QTMAN: variants seen among roughly 807,000 people sequenced by gnomAD.
QTMAN encodes the protein queuosine-tRNA mannosyltransferase.
At chr2:144,168,470 T>C in the QTMAN span, among the ~76,000 whole-genome samples, 1 of 152,166 alleles carries the variant, frequency 6.6e-6, no homozygotes, top group African/African-American at 2.4e-5. Flanking sequence ...GATGAAATGA[T>C]AGAAGATTTG....
chr2:144,172,509 A>T, the QTMAN span, among the ~76,000 whole-genome samples: 2 of 151,708 alleles, frequency 1.3e-5, no homozygotes, highest in East Asian at 1.9e-4. Flanking sequence ...CTATTATCCC[A>T]GCTACTCAGA....
the QTMAN span, among the ~76,000 whole-genome samples, chr2:144,129,430 T>C: frequency 1.3e-5 from 2 of 151,964 alleles, no homozygotes; most frequent in African/African-American, 4.8e-5. Flanking sequence ...AAAATGTTAT[T>C]TCTTCTCTTG....
chr2:144,136,363 A>AGAAAAG, the QTMAN span, among the ~76,000 whole-genome samples: 68 of 113,608 alleles, frequency 6.0e-4, 1 homozygote, highest in Non-Finnish European at 9.1e-4. Context: ...GAGGGAACAG[A>AGAAAAG]GAAAAGGAAA....
chr2:144,039,027 T>C, the QTMAN span, among the ~76,000 whole-genome samples: 1 of 152,140 alleles, frequency 6.6e-6, no homozygotes, highest in Non-Finnish European at 1.5e-5. Flanking sequence ...GGAAATTACT[T>C]AGTTTTAGCC....
the QTMAN span, among the ~76,000 whole-genome samples, chr2:144,002,298 G>C: frequency 2.0e-5 from 3 of 152,024 alleles, no homozygotes; most frequent in East Asian, 5.8e-4. Context: ...AAAAGTATTT[G>C]TATGCTTGTT....
At chr2:144,259,683 T>C in the QTMAN span, among the ~76,000 whole-genome samples, 2 of 152,240 alleles carry the variant, frequency 1.3e-5, no homozygotes, top group African/African-American at 2.4e-5. Flanking sequence ...AAACACAAAA[T>C]TGTTATTTTA....
chr2:144,076,030 C>T, the QTMAN span, among the ~76,000 whole-genome samples: 17 of 152,134 alleles, frequency 1.1e-4, no homozygotes, highest in South Asian at 2.1e-4. Context: ...GGGTGGATCA[C>T]GAGGTCAGGA....
chr2:144,307,590 G>C, the QTMAN span, among the ~76,000 whole-genome samples: 1 of 152,176 alleles, frequency 6.6e-6, no homozygotes, highest in Non-Finnish European at 1.5e-5. Flanking sequence ...CATATATAGA[G>C]AGCATCCTGA....
the QTMAN span, among the ~76,000 whole-genome samples, chr2:144,016,950 G>C: frequency 6.6e-6 from 1 of 151,640 alleles, no homozygotes; most frequent in Non-Finnish European, 1.5e-5. Context: ...AAACTGACGA[G>C]AAAATTTGGG....
At chr2:144,290,735 C>T in the QTMAN span, among the ~76,000 whole-genome samples, 87 of 152,298 alleles carry the variant, frequency 5.7e-4, 4 homozygotes, top group South Asian at 0.017. Flanking sequence ...GGCAAATATC[C>T]TCATGGCTTA....
the QTMAN span, among the ~76,000 whole-genome samples, chr2:144,158,486 GAGAA>G: frequency 6.6e-6 from 1 of 151,858 alleles, no homozygotes; most frequent in Non-Finnish European, 1.5e-5. Flanking sequence ...ATGTGTGTGT[GAGAA>G]AGAAAGGCAG....
the QTMAN span, among the ~76,000 whole-genome samples, chr2:144,053,284 A>G: frequency 6.6e-6 from 1 of 152,222 alleles, no homozygotes; most frequent in South Asian, 2.1e-4. Flanking sequence ...GTTGGAGTAA[A>G]AAAACAAACT....
the QTMAN span, among the ~76,000 whole-genome samples, chr2:144,074,586 T>C: frequency 2.6e-5 from 4 of 152,206 alleles, no homozygotes; most frequent in African/African-American, 9.6e-5. Context: ...ATTAGAAATA[T>C]AAAATGACAG....
At chr2:144,120,159 G>A in the QTMAN span, among the ~76,000 whole-genome samples, 2 of 152,170 alleles carry the variant, frequency 1.3e-5, no homozygotes, top group Non-Finnish European at 2.9e-5. Context: ...CCCCTAGTAT[G>A]AGATGATCTA....
the QTMAN span, among the ~76,000 whole-genome samples, chr2:144,264,580 T>TAAA: frequency 6.6e-6 from 1 of 152,198 alleles, no homozygotes; most frequent in Non-Finnish European, 1.5e-5. Context: ...ACAGAATATT[T>TAAA]AAACATATCT....
chr2:144,298,092 C>T, the QTMAN span, among the ~76,000 whole-genome samples: 2 of 151,398 alleles, frequency 1.3e-5, no homozygotes, highest in African/African-American at 4.9e-5. Flanking sequence ...GATCTCGGCT[C>T]ACTTCAAGCT....
At chr2:144,016,686 G>A in the QTMAN span, among the ~76,000 whole-genome samples, 10 of 152,170 alleles carry the variant, frequency 6.6e-5, no homozygotes, top group African/African-American at 1.4e-4. Flanking sequence ...ACGTACTGCT[G>A]TTGAAGAAAG....
At chr2:144,040,562 A>G in the QTMAN span, among the ~76,000 whole-genome samples, 3 of 152,140 alleles carry the variant, frequency 2.0e-5, no homozygotes, top group Non-Finnish European at 4.4e-5. Flanking sequence ...CTAAGACCCT[A>G]AAAGTTCATG....
the QTMAN span, among the ~76,000 whole-genome samples, chr2:143,947,843 T>C: frequency 7.0e-6 from 1 of 143,810 alleles, no homozygotes; most frequent in Non-Finnish European, 1.5e-5. Context: ...CCAGACCAAA[T>C]AAAATTGCAG....
Sources: allele counts gnomAD v4.1 joint callset (sites outside exome capture counted in the v4.1 genomes callset), GRCh38; gene constraint gnomAD v4.1.1; transcripts MANE v1.5; gene names NCBI Gene and HGNC (gene_info 2026-07-23, HGNC 2026-07-21).